The following ZNF682 variants were observed in gnomAD, a reference collection of about 807,000 sequenced individuals.
The protein encoded by ZNF682 is zinc finger protein 682.
In ZNF682, 29 loss-of-function variants were observed where a neutral mutation model predicts 36.5. That is an observed-to-expected ratio of 0.80 (90% CI 0.59 to 1.08). The LOEUF is 1.08. ZNF682 is among the 50% of genes least tolerant of loss of function. The pLI, the probability that ZNF682 is intolerant of heterozygous loss-of-function variation, is 0.00. For synonymous variants in ZNF682, 180 were observed against 197.0 expected, an observed-to-expected ratio of 0.91 and a Z score of 0.72; for missense variants, 561 against 579.7, an observed-to-expected ratio of 0.97 and a Z score of 0.33.
intron 3 of ZNF682, among the ~76,000 whole-genome samples, chr19:20,012,892 G>T (rs1302784266): frequency 6.6e-6 from 1 of 151,580 alleles, no homozygotes; most frequent in Non-Finnish European, 1.5e-5. Context: ...ATGAAAAAAT[G>T]AGATAAAAAG....
At chr19:20,039,214 C>G in intron 1 of ZNF682, 129 bp downstream of exon 1, 1 of 1,466,344 alleles carries the variant, frequency 6.8e-7, no homozygotes, top group South Asian at 1.4e-5. Flanking sequence ...CCGAGCTGTG[C>G]CTGCCGGGGA....
At chr19:20,016,231 G>A (rs1262059699) in intron 3 of ZNF682, among the ~76,000 whole-genome samples, 1 of 152,170 alleles carries the variant, frequency 6.6e-6, no homozygotes, top group African/African-American at 2.4e-5. Flanking sequence ...TATAGAGCCA[G>A]TCTATAAATA....
In ZNF682 at chr19:20,024,422, G is replaced by A. The variant is rs539131554; in HGVS notation, c.4-46C>T. 7 of 1,564,882 alleles carry A rather than the reference G, an allele frequency of 4.5e-6. No homozygotes were observed. In the Admixed American group the frequency reaches 6.0e-5, roughly 13 times the overall value. On this transcript the variant is annotated intron_variant, in intron 1 of 3. Coordinates refer to ENST00000397165, the MANE Select transcript of ZNF682 (RefSeq NM_033196.3). ...TAGTGACCAACTGTCAATGGGCAGA[G>A]TTCTTGACTCCATGTGAAAAGAGAG...
At chr19:19,995,603 A>G (rs567949495), downstream of ZNF682, among the ~76,000 whole-genome samples, 2 of 152,274 alleles carry the variant, frequency 1.3e-5, no homozygotes, top group South Asian at 4.1e-4. Flanking sequence ...AACCTGTTCC[A>G]GGACTTGGTG....
intron 1 of ZNF682, among the ~76,000 whole-genome samples, chr19:20,030,339 G>A (rs1455769899): frequency 6.6e-6 from 1 of 152,120 alleles, no homozygotes; most frequent in South Asian, 2.1e-4. Context: ...GAAGACCGAG[G>A]TGGGTGGATC....
At position 20,018,078 on chromosome 19, in the gene ZNF682, C is replaced by CTTTTTTT. The variant is rs71172554; in HGVS notation, c.226+4919_226+4925dup. ...GAAATATAGTTAAGATTCTCAAATTCTTTTTTTTTTTTTTTTTTTTTTTTT... is the reference window on the plus strand; with the variant it reads ...GAAATATAGTTAAGATTCTCAAATTCTTTTTTTTTTTTTTTTTTTTTTTTTTTTTTTT... On this transcript the variant is annotated intron_variant, in intron 3 of 3. Transcript: ENST00000397165. Among the ~76,000 whole-genome samples, 22 of 58,680 alleles carry CTTTTTTT rather than the reference C, an allele frequency of 3.7e-4. 2 individuals carry two copies. Among genetic ancestry groups the CTTTTTTT allele is most frequent in the African/African-American group, 5.9e-4 (8 of 13,560 alleles). 38.5% of individuals were successfully genotyped at this position (58,680 alleles called of 152,430 possible).
chr19:20,002,791 T>TA (rs1159768738), downstream of ZNF682, among the ~76,000 whole-genome samples: 2 of 151,932 alleles, frequency 1.3e-5, no homozygotes, highest in African/African-American at 2.4e-5. Flanking sequence ...TAAGAGTTGA[T>TA]AAAAAAAGAA....
At chr19:20,015,596 G>T in intron 3 of ZNF682, 1 of 211,442 alleles carries the variant, frequency 4.7e-6, no homozygotes, top group Non-Finnish European at 8.2e-6. Context: ...ACATAGTGGA[G>T]TACTGATGAA....
chr19:20,013,916 T>C (rs1252175417), intron 3 of ZNF682, among the ~76,000 whole-genome samples: 1 of 152,184 alleles, frequency 6.6e-6, no homozygotes, highest in African/African-American at 2.4e-5. Context: ...TATAGACTAT[T>C]ATTATGACCA....
At chr19:20,020,550 T>C (rs2088374707) in intron 3 of ZNF682, among the ~76,000 whole-genome samples, 1 of 152,046 alleles carries the variant, frequency 6.6e-6, no homozygotes, top group Non-Finnish European at 1.5e-5. Flanking sequence ...TTCCACATAA[T>C]CCAGCAATCC....
downstream of ZNF682, among the ~76,000 whole-genome samples, chr19:19,999,473 T>C (rs1164714016): frequency 1.3e-5 from 2 of 152,234 alleles, no homozygotes; most frequent in Admixed American, 1.3e-4. Context: ...ATCTGAAGCC[T>C]GTGAATAATA....
At chr19:20,037,993 A>T (rs756435610) in intron 1 of ZNF682, among the ~76,000 whole-genome samples, 1 of 152,172 alleles carries the variant, frequency 6.6e-6, no homozygotes, top group Non-Finnish European at 1.5e-5. Context: ...CCAGGGGCTG[A>T]TATTCACTAG....
intron 3 of ZNF682, among the ~76,000 whole-genome samples, chr19:20,010,201 A>C (rs1013641751): frequency 6.6e-6 from 1 of 152,166 alleles, no homozygotes; most frequent in Admixed American, 6.5e-5. Flanking sequence ...CCAAATATGG[A>C]AATGGAAGAA....
chr19:20,003,613 G>A (rs1351075769), downstream of ZNF682, among the ~76,000 whole-genome samples: 8 of 151,886 alleles, frequency 5.3e-5, no homozygotes, highest in African/African-American at 7.3e-5. Flanking sequence ...GCTGAGGCAG[G>A]AGAATGGCGT....
chr19:20,014,977 G>C (rs1348885518), intron 3 of ZNF682, among the ~76,000 whole-genome samples: 3 of 152,120 alleles, frequency 2.0e-5, no homozygotes, highest in African/African-American at 7.2e-5. Flanking sequence ...AAAATGAGTA[G>C]TTTCGTGTAT....
chr19:20,000,296 CAA>C (rs1267644961), downstream of ZNF682, among the ~76,000 whole-genome samples: 2 of 152,312 alleles, frequency 1.3e-5, no homozygotes, highest in African/African-American at 4.8e-5. Context: ...GAGAGATGCT[CAA>C]GAGAGTAACA....
chr19:20,020,129 A>T (rs532932977), intron 3 of ZNF682, among the ~76,000 whole-genome samples: 2 of 152,282 alleles, frequency 1.3e-5, no homozygotes, highest in Non-Finnish European at 2.9e-5. Context: ...GTTTCTGAAG[A>T]AAAAAATCTT....
In ZNF682 at chr19:20,006,504, C is replaced by A. The variant is rs761167607; in HGVS notation, c.998G>T (p.Arg333Ile). 6.2e-7 allele frequency: 1 copy of A among 1,614,054 alleles called. No homozygotes were observed. Residue 333 changes from arginine (R) to isoleucine (I), a missense_variant, in exon 4 of 4, where the codon AGA (arginine) becomes ATA (isoleucine). Coordinates refer to ENST00000397165, the MANE Select transcript of ZNF682 (RefSeq NM_033196.3). ...ATAGGGTTTCTCTCCCGTATGGGTT[C>A]TCTCATGTATAGTAAGTAGTGAGCA... ...NHCSLLTIHE[R>I]THTGEKPYKC...
chr19:20,039,089 CGCGGCTCTTCCCAGGGTGGGCTCCGG>C, intron 1 of ZNF682: 1 of 1,339,802 alleles, frequency 7.5e-7, no homozygotes, highest in South Asian at 1.8e-5. Context: ...CAAGAACGCG[CGCGGCTCTTCCCAGGGTGGGCTCCGG>C]GCGGGAAGCG....
Sources: allele counts gnomAD v4.1 joint callset (sites outside exome capture counted in the v4.1 genomes callset), GRCh38; gene constraint gnomAD v4.1.1; transcripts MANE v1.5; gene names NCBI Gene and HGNC (gene_info 2026-07-23, HGNC 2026-07-21).